CDC73: variants seen among roughly 807,000 people sequenced by gnomAD.
CDC73 encodes the protein cell division cycle 73, also known as parafibromin.
In CDC73, 21 loss-of-function variants were observed where a neutral mutation model predicts 83.7. That is an observed-to-expected ratio of 0.25 (90% CI 0.18 to 0.36). The LOEUF (loss-of-function observed/expected upper bound fraction) is 0.36. CDC73 is among the 10% of genes least tolerant of loss of function. The probability of loss-of-function intolerance (pLI) is 1.00; values close to 1 mark genes in which losing one functional copy is unlikely to be tolerated. For synonymous variants in CDC73, 224 were observed against 212.9 expected (o/e 1.05, Z -0.45); for missense variants, 342 against 653.3 (o/e 0.52, Z 5.19).
intron 7 of CDC73, among the ~76,000 whole-genome samples, chr1:193,142,378 G>A (rs1270517396): frequency 1.3e-5 from 2 of 151,990 alleles, no homozygotes; most frequent in Admixed American, 1.3e-4. Context: ...CCTAATAAAT[G>A]GAATAATATT....
At chr1:193,194,573 CAG>C (rs1676970049) in intron 10 of CDC73, among the ~76,000 whole-genome samples, 1 of 152,064 alleles carries the variant, frequency 6.6e-6, no homozygotes, top group Non-Finnish European at 1.5e-5. Flanking sequence ...TATTAAACCT[CAG>C]AGAGACTTAT....
At chr1:193,146,596 TC>T (rs1235073069) in intron 7 of CDC73, among the ~76,000 whole-genome samples, 1 of 152,156 alleles carries the variant, frequency 6.6e-6, no homozygotes, top group Non-Finnish European at 1.5e-5. Context: ...ACAACATTAA[TC>T]CATTCGTAAG....
intron 10 of CDC73, among the ~76,000 whole-genome samples, chr1:193,178,508 C>T (rs1317126778): frequency 6.6e-6 from 1 of 152,172 alleles, no homozygotes; most frequent in African/African-American, 2.4e-5. Context: ...TGTATGCACA[C>T]ACACACACTG....
Position 193,141,858 on chromosome 1 carries a change from C to G in CDC73, c.521C>G (p.Ser174Cys). 6.2e-7 allele frequency: 1 copy of G among 1,611,598 alleles called. No individual in the cohort carries two copies. Among genetic ancestry groups the G allele is most frequent in the Non-Finnish European group, 8.5e-7 (1 of 1,178,076 alleles). The change falls in exon 7 of 17, where the codon TCT becomes TGT. Residue 174 changes from serine to cysteine, a missense_variant. Coordinates refer to ENST00000367435, the MANE Select transcript of CDC73 (RefSeq NM_024529.5). ...IVQTEQIRSLSEAMSVEKIAA... is the reference protein window; with the variant it reads ...IVQTEQIRSLCEAMSVEKIAA... ...AAAGAAATTGCTTTTAGGTCTTTGT[C>G]TGAAGCTATGTCAGTGGAAAAAATT...
intron 10 of CDC73, among the ~76,000 whole-genome samples, chr1:193,191,522 G>A (rs956699490): frequency 2.0e-5 from 3 of 152,048 alleles, no homozygotes; most frequent in Non-Finnish European, 4.4e-5. Flanking sequence ...CGAGTAGCTG[G>A]GATTACAGGC....
At chr1:193,209,919 T>G (rs1002821789) in intron 11 of CDC73, among the ~76,000 whole-genome samples, 1 of 152,086 alleles carries the variant, frequency 6.6e-6, no homozygotes, top group African/African-American at 2.4e-5. Flanking sequence ...TTTTTGTAGT[T>G]CCCTTTAGTC....
intron 2 of CDC73, among the ~76,000 whole-genome samples, chr1:193,129,583 T>C (rs901948427): frequency 6.6e-5 from 10 of 151,958 alleles, no homozygotes; most frequent in African/African-American, 2.4e-4. Flanking sequence ...CTCGGCTCAC[T>C]GAAACGCCTG....
At chr1:193,219,867 A>T (rs1482101102) in intron 13 of CDC73, among the ~76,000 whole-genome samples, 1 of 152,190 alleles carries the variant, frequency 6.6e-6, no homozygotes, top group African/African-American at 2.4e-5. Flanking sequence ...CTGCACGTGT[A>T]CCTCTTGACC....
At chr1:193,185,574 T>G (rs547299346) in intron 10 of CDC73, among the ~76,000 whole-genome samples, 17 of 152,242 alleles carry the variant, frequency 1.1e-4, no homozygotes, top group African/African-American at 3.8e-4. Flanking sequence ...AAAAAAAAAC[T>G]CTTAAGGTTT....
intron 5 of CDC73, chr1:193,136,578 G>A (rs779129897): frequency 3.7e-5 from 8 of 213,858 alleles, no homozygotes; most frequent in Non-Finnish European, 9.0e-5. Context: ...ATCTATGAGC[G>A]AATAGGCTCA....
intron 10 of CDC73, among the ~76,000 whole-genome samples, chr1:193,177,277 A>G (rs1330257672): frequency 7.2e-6 from 1 of 139,302 alleles, no homozygotes; most frequent in African/African-American, 2.7e-5. Flanking sequence ...TAATCCCAGC[A>G]CTTTGGGAGG....
At position 193,144,112 on chromosome 1, in the gene CDC73, C is replaced by CAA. The variant is rs67477778; in HGVS notation, c.729+2065_729+2066dup. 1.9e-3 allele frequency among the ~76,000 whole-genome samples: 123 copies of CAA among 64,368 alleles called. 3 individuals carry two copies. The highest frequency in any genetic ancestry group is 6.1e-3 in the African/African-American group (100 of 16,376). The allele number at this position is 64,368 out of a possible 152,430, so 42.2% of individuals were successfully genotyped here. A position where few individuals can be genotyped will look rare whatever the true frequency, so the allele number is the denominator to read the frequency against. On this transcript the variant is annotated intron_variant, in intron 7 of 16. Transcript: ENST00000367435. Reference sequence around the variant, plus strand: ...GTGACAGAGTGAGACTCTGTCTCACCAAAAAAAAAAAAAAAAAAAATTTCA... The same window carrying CAA: ...GTGACAGAGTGAGACTCTGTCTCACCAAAAAAAAAAAAAAAAAAAAAATTTCA...
At position 193,223,187 on chromosome 1, in the gene CDC73, A is replaced by G. The variant is rs377042562; in HGVS notation, c.1155-9806A>G. On this transcript the variant is annotated intron_variant, in intron 13 of 16. Transcript: ENST00000367435. ...TCTTCCTTTGAATGTTGTTTCATAC[A>G]TGATAACTTGTTTTCTTGTGGGTTT... Among the ~76,000 whole-genome samples the G allele has an allele frequency of 3.6e-4, 54 of 151,906 alleles. 1 individual carries two copies. In the Middle Eastern group the frequency reaches 0.014, roughly 38 times the overall value.
chr1:193,226,818 T>C (rs1429980816), intron 13 of CDC73, among the ~76,000 whole-genome samples: 1 of 152,178 alleles, frequency 6.6e-6, no homozygotes, highest in Non-Finnish European at 1.5e-5. Flanking sequence ...GGTCTTAGGG[T>C]ATTACAGGCT....
chr1:193,136,918 A>G (rs879661581), intron 5 of CDC73, among the ~76,000 whole-genome samples: 6 of 152,212 alleles, frequency 3.9e-5, no homozygotes, highest in Admixed American at 3.9e-4. Flanking sequence ...AAAATTCAAC[A>G]TGGCAGAAGT....
At chr1:193,192,489 A>AT (rs988529410) in intron 10 of CDC73, among the ~76,000 whole-genome samples, 26 of 151,908 alleles carry the variant, frequency 1.7e-4, no homozygotes, top group Middle Eastern at 3.4e-3. Context: ...AGTAAATAGA[A>AT]TTTTTTTTTC....
At chr1:193,130,325 G>T in intron 3 of CDC73, 82 bp downstream of exon 3, 1 of 918,466 alleles carries the variant, frequency 1.1e-6, no homozygotes, top group South Asian at 1.3e-5. Context: ...AGAGGGAAGA[G>T]AATTTGTATT....
chr1:193,181,094 T>C, intron 10 of CDC73: 4 of 1,614,088 alleles, frequency 2.5e-6, no homozygotes, highest in Non-Finnish European at 3.4e-6. Context: ...TCTGCAGCTA[T>C]TAGTAGTATT....
chr1:193,126,374 TGAAAA>T (rs563828703), intron 2 of CDC73, among the ~76,000 whole-genome samples: 9 of 152,320 alleles, frequency 5.9e-5, no homozygotes, highest in Admixed American at 4.6e-4. Flanking sequence ...GGAAACAACT[TGAAAA>T]GAACTAATTT....
Sources: allele counts gnomAD v4.1 joint callset (sites outside exome capture counted in the v4.1 genomes callset), GRCh38; gene constraint gnomAD v4.1.1; transcripts MANE v1.5; gene names NCBI Gene and HGNC (gene_info 2026-07-23, HGNC 2026-07-21).